The following PATJ variants were observed in gnomAD, a reference collection of about 807,000 sequenced individuals.
PATJ encodes inaD-like protein.
Under a neutral mutation model 224.9 loss-of-function variants are expected in PATJ, and 190 were observed. The observed-to-expected ratio is 0.84, with a 90% CI of 0.75 to 0.95. PATJ has a LOEUF of 0.95. Among genes scored for constraint, PATJ ranks in the 40% least tolerant of loss-of-function variants. The pLI, the probability that PATJ is intolerant of heterozygous loss-of-function variation, is 0.00. For missense variants in PATJ, 2,121 were observed against 2,270.3 expected, an observed-to-expected ratio of 0.93 and a Z score of 1.34; for synonymous variants, 769 against 820.3, an observed-to-expected ratio of 0.94 and a Z score of 1.07.
chr1:61,838,269 A>T (rs1039620285), intron 17 of PATJ, among the ~76,000 whole-genome samples: 2 of 152,094 alleles, frequency 1.3e-5, no homozygotes, highest in Non-Finnish European at 2.9e-5. Flanking sequence ...ACTGATCTCC[A>T]TTGTCATGCC....
In PATJ at chr1:62,128,019, T is replaced by TC; in HGVS notation, c.5094dup (p.Gly1700ArgfsTer13). Reference sequence around the variant, plus strand: ...TCAGTATTGCTGGAGGAAGAGGAAGTCCCTTAGGAGATATCCCCGTATTTA... The same window carrying TC: ...TCAGTATTGCTGGAGGAAGAGGAAGTCCCCTTAGGAGATATCCCCGTATTTA... On this transcript the variant is annotated frameshift_variant, in exon 40 of 44. Transcript: ENST00000642238. LOFTEE classifies it high-confidence loss of function. The TC allele has an allele frequency of 6.2e-7, 1 of 1,614,042 alleles. No homozygotes were observed. The highest frequency in any genetic ancestry group is 1.3e-5 in the African/African-American group (1 of 75,038).
chr1:62,022,618 C>T (rs1313067219), intron 29 of PATJ, among the ~76,000 whole-genome samples: 1 of 152,144 alleles, frequency 6.6e-6, no homozygotes, highest in African/African-American at 2.4e-5. Context: ...ATGATCTTGC[C>T]TGCAGCTCTT....
At chr1:61,767,366 C>T (rs897050807) in intron 4 of PATJ, among the ~76,000 whole-genome samples, 1 of 151,826 alleles carries the variant, frequency 6.6e-6, no homozygotes, top group Non-Finnish European at 1.5e-5. Context: ...AGACCCCCAT[C>T]TCTACAAAAA....
chr1:62,142,075 G>C (rs2149000882), intron 41 of PATJ, among the ~76,000 whole-genome samples: 1 of 152,252 alleles, frequency 6.6e-6, no homozygotes. Flanking sequence ...AAATGAGCGA[G>C]TAAAGGAAGG....
At chr1:61,831,503 A>G (rs1287812323) in intron 16 of PATJ, among the ~76,000 whole-genome samples, 1 of 152,226 alleles carries the variant, frequency 6.6e-6, no homozygotes, top group East Asian at 1.9e-4. Context: ...AACAGCCACC[A>G]TTAAAAAATG....
intron 7 of PATJ, among the ~76,000 whole-genome samples, chr1:61,778,393 A>G (rs1408186605): frequency 6.6e-6 from 1 of 152,206 alleles, no homozygotes; most frequent in Non-Finnish European, 1.5e-5. Context: ...ATCAAGATAG[A>G]TCAGTGGATT....
chr1:62,038,255 C>G (rs996366975), intron 30 of PATJ, among the ~76,000 whole-genome samples: 1 of 152,190 alleles, frequency 6.6e-6, no homozygotes, highest in Non-Finnish European at 1.5e-5. Context: ...GTATTACCTT[C>G]CTCAAAGTTG....
At chr1:61,765,900 C>T (rs1022596095) in intron 3 of PATJ, among the ~76,000 whole-genome samples, 1 of 152,094 alleles carries the variant, frequency 6.6e-6, no homozygotes, top group African/African-American at 2.4e-5. Context: ...TTATATACTA[C>T]CTGTGGATCT....
chr1:61,879,522 G>C (rs773469766), intron 21 of PATJ, among the ~76,000 whole-genome samples: 2 of 152,104 alleles, frequency 1.3e-5, no homozygotes, highest in Non-Finnish European at 2.9e-5. Flanking sequence ...GATGTTGTTT[G>C]TAATTTGGTT....
chr1:61,755,761 G>GA (rs1645601694), intron 1 of PATJ, among the ~76,000 whole-genome samples: 1 of 152,052 alleles, frequency 6.6e-6, no homozygotes, highest in South Asian at 2.1e-4. Flanking sequence ...TACGTTATTA[G>GA]AAAAAATGAA....
chr1:62,081,685 A>C (rs2148740556), intron 32 of PATJ, among the ~76,000 whole-genome samples: 1 of 152,222 alleles, frequency 6.6e-6, no homozygotes, highest in South Asian at 2.1e-4. Context: ...CTCCTGCCTT[A>C]GCCTTCCTAG....
chr1:61,783,187 T>C (rs1647707624), intron 7 of PATJ, among the ~76,000 whole-genome samples: 1 of 152,194 alleles, frequency 6.6e-6, no homozygotes, highest in Non-Finnish European at 1.5e-5. Flanking sequence ...ATTTTCTTTA[T>C]CTATAAAAAT....
intron 17 of PATJ, among the ~76,000 whole-genome samples, chr1:61,851,322 C>T (rs1662773813): frequency 6.6e-6 from 1 of 152,048 alleles, no homozygotes; most frequent in Non-Finnish European, 1.5e-5. Flanking sequence ...GTGCTTGGGT[C>T]TTCAGGGAGT....
At chr1:61,757,075 TTTTAC>T (rs1266096500) in intron 1 of PATJ, among the ~76,000 whole-genome samples, 1 of 93,790 alleles carries the variant, frequency 1.1e-5, no homozygotes, top group African/African-American at 4.2e-5. Flanking sequence ...TTTGTGTCAC[TTTTAC>T]TTTTTTTTTT....
At chr1:62,160,386 A>C (rs1669731765) in intron 43 of PATJ, among the ~76,000 whole-genome samples, 1 of 152,224 alleles carries the variant, frequency 6.6e-6, no homozygotes, top group South Asian at 2.1e-4. Context: ...ATATATTTAT[A>C]TGTAGATAAC....
At chr1:61,947,767 A>G (rs1678981379) in intron 27 of PATJ, among the ~76,000 whole-genome samples, 1 of 152,238 alleles carries the variant, frequency 6.6e-6, no homozygotes, top group African/African-American at 2.4e-5. Flanking sequence ...AACAATCCTA[A>G]GCAAAAAGAA....
chr1:61,804,490 G>A (rs1653140706), intron 12 of PATJ, among the ~76,000 whole-genome samples: 1 of 152,134 alleles, frequency 6.6e-6, no homozygotes, highest in Non-Finnish European at 1.5e-5. Flanking sequence ...TGAAAGAGCT[G>A]ATACTGCAAG....
intron 27 of PATJ, among the ~76,000 whole-genome samples, chr1:61,946,280 TGATTTTTTG>T (rs1678689952): frequency 6.6e-6 from 1 of 152,106 alleles, no homozygotes. Flanking sequence ...ATCCAGGAGC[TGATTTTTTG>T]AAAAGATCAA....
At chr1:62,136,994 AAT>A (rs762145019) in intron 41 of PATJ, among the ~76,000 whole-genome samples, 13 of 152,128 alleles carry the variant, frequency 8.5e-5, no homozygotes, top group Non-Finnish European at 1.6e-4. Flanking sequence ...TATGCATTGT[AAT>A]ATCTTTCTTA....
Sources: gnomAD v4.1 joint callset for allele counts (sites outside exome capture counted in the v4.1 genomes callset) on GRCh38, gnomAD v4.1.1 for gene constraint, MANE v1.5 for transcripts, NCBI Gene and HGNC (gene_info 2026-07-23, HGNC 2026-07-21) for gene names.